NMBR: variants seen among roughly 807,000 people sequenced by gnomAD.
The protein encoded by NMBR is neuromedin-B receptor.
Under a neutral mutation model 20.5 loss-of-function variants are expected in NMBR, and 16 were observed. The ratio of observed to expected loss-of-function variants is 0.78; its 90% CI spans 0.53 to 1.19. The LOEUF (loss-of-function observed/expected upper bound fraction) is 1.19, where lower values mean the gene tolerates loss of function less well. Among genes scored for constraint, NMBR ranks in the 50% most tolerant of loss-of-function variants. The pLI is 0.00. For synonymous variants in NMBR, 212 were observed against 196.6 expected (o/e 1.08, Z -0.65); for missense variants, 582 against 499.1 (o/e 1.17, Z -1.58).
chr6:142,100,247 A>T (rs944925702), intron 1 of NMBR, among the ~76,000 whole-genome samples: 1 of 152,218 alleles, frequency 6.6e-6, no homozygotes, highest in African/African-American at 2.4e-5. Flanking sequence ...TGTCCACACA[A>T]AAACCAACAC....
intron 1 of NMBR, among the ~76,000 whole-genome samples, chr6:142,121,991 CA>C (rs1302360491): frequency 1.3e-5 from 2 of 151,898 alleles, no homozygotes; most frequent in African/African-American, 2.4e-5. Context: ...GACACACAGA[CA>C]TTGTACCCAG....
At chr6:142,092,703 C>G (rs1483608811) in intron 1 of NMBR, among the ~76,000 whole-genome samples, 4 of 152,104 alleles carry the variant, frequency 2.6e-5, no homozygotes, top group Non-Finnish European at 4.4e-5. Context: ...AGTTTTCAGC[C>G]CATGCACAAG....
At chr6:142,119,918 T>C (rs1389427475) in intron 1 of NMBR, among the ~76,000 whole-genome samples, 1 of 152,012 alleles carries the variant, frequency 6.6e-6, no homozygotes, top group Admixed American at 6.6e-5. Context: ...TATAAAGTCA[T>C]ATGTACTATA....
intron 1 of NMBR, among the ~76,000 whole-genome samples, chr6:142,137,572 C>G (rs893802911): frequency 1.6e-4 from 25 of 152,252 alleles, no homozygotes; most frequent in Admixed American, 1.2e-3. Flanking sequence ...CTGTCTTGTG[C>G]CAGTTTTCAA....
chr6:142,118,219 A>T (rs143218817), intron 1 of NMBR, among the ~76,000 whole-genome samples: 62 of 152,148 alleles, frequency 4.1e-4, no homozygotes, highest in African/African-American at 1.4e-3. Context: ...TGGAAATAAC[A>T]TAAAAACCTG....
intron 1 of NMBR, among the ~76,000 whole-genome samples, chr6:142,124,749 C>A (rs1778001994): frequency 6.6e-6 from 1 of 151,824 alleles, no homozygotes; most frequent in South Asian, 2.1e-4. Context: ...GAAAATAAGA[C>A]CTTCAATTTA....
rs749363915 is a variant in NMBR at position 142,088,388 on chromosome 6, G to C, written c.271C>G (p.Leu91Val). 6.2e-7 allele frequency: 1 copy of C among 1,614,152 alleles called. No homozygotes were observed. Among genetic ancestry groups the C allele is most frequent in the Non-Finnish European group, 8.5e-7 (1 of 1,180,022 alleles). The change falls in exon 2 of 4, where the codon CTG becomes GTG. Residue 91 changes from leucine to valine, a missense_variant. Physicochemically the swap from Leu to Val is conservative, Grantham distance 32. Transcript: ENST00000258042. ...FISNLAAGDL[L>V]LLLTCVPVDA... ...ACCGGGACGCAGGTGAGCAGCAGCA[G>C]CAAGTCCCCGGCCGCCAGGTTAGAG...
At chr6:142,135,562 G>A (rs1045883023) in intron 1 of NMBR, among the ~76,000 whole-genome samples, 2 of 151,476 alleles carry the variant, frequency 1.3e-5, no homozygotes, top group Non-Finnish European at 2.9e-5. Context: ...AGTTACATAT[G>A]TATACATGTG....
intron 1 of NMBR, among the ~76,000 whole-genome samples, chr6:142,145,237 G>A (rs765982204): frequency 1.6e-4 from 24 of 151,996 alleles, no homozygotes; most frequent in Non-Finnish European, 2.9e-4. Context: ...TCTGAAGGGG[G>A]AGATCAGGAG....
chr6:142,131,251 T>C (rs1015827426), intron 1 of NMBR, among the ~76,000 whole-genome samples: 2 of 152,200 alleles, frequency 1.3e-5, no homozygotes, highest in Admixed American at 1.3e-4. Context: ...GGGAGGCATG[T>C]TAACATTTGT....
chr6:142,145,829 A>G (rs1778423011), intron 1 of NMBR, among the ~76,000 whole-genome samples: 1 of 152,258 alleles, frequency 6.6e-6, no homozygotes, highest in East Asian at 1.9e-4. Flanking sequence ...AAAGATACTG[A>G]CATTTAGGAT....
chr6:142,143,808 G>A (rs1778391481), intron 1 of NMBR, among the ~76,000 whole-genome samples: 1 of 151,468 alleles, frequency 6.6e-6, no homozygotes, highest in African/African-American at 2.4e-5. Flanking sequence ...ACAGACAGAG[G>A]ACTTACACTA....
chr6:142,134,904 C>A, intron 1 of NMBR: 1 of 573,706 alleles, frequency 1.7e-6, no homozygotes, highest in Non-Finnish European at 3.1e-6. Context: ...GAAGATTATA[C>A]TTTCCATTCA....
rs144574479 is a variant in NMBR at position 142,121,307 on chromosome 6, G to T, written c.-664+25737C>A. The stretch of plus-strand genomic sequence containing the variant: ...TAGGCCAAATAATAACCCAACAAAG[G>T]CCTCTAAGTGTTCAAGCAAAAGAGT... On this transcript the variant is annotated intron_variant, in intron 1 of 3. Coordinates refer to ENST00000258042, the MANE Select transcript of NMBR (RefSeq NM_002511.4). Among the ~76,000 whole-genome samples, 286 of 151,876 alleles carry T rather than the reference G, an allele frequency of 1.9e-3. 4 individuals are homozygous for T. The highest frequency in any genetic ancestry group is 2.5e-4 in the Non-Finnish European group (17 of 67,892).
chr6:142,141,548 G>GA (rs1778360898), intron 1 of NMBR, among the ~76,000 whole-genome samples: 1 of 151,250 alleles, frequency 6.6e-6, no homozygotes, highest in Admixed American at 6.6e-5. Context: ...TCTGTCTCCA[G>GA]GGCTGGAGTG....
rs751488729 is a variant in NMBR, at chr6:142,136,347, G to GT, written c.-664+10696dup. The stretch of plus-strand genomic sequence containing the variant: ...TGCCCACTTTTTGATGGGGTTGTTT[G>GT]TTTTTTTCTTGTAAATTTGTTTGAG... On this transcript the variant is annotated intron_variant, in intron 1 of 3. Coordinates refer to ENST00000258042, the MANE Select transcript of NMBR (RefSeq NM_002511.4). Among the ~76,000 whole-genome samples the GT allele has an allele frequency of 2.0e-3, 307 of 152,158 alleles. 1 individual carries two copies. Among genetic ancestry groups the GT allele is most frequent in the Non-Finnish European group, 3.4e-3 (229 of 67,978 alleles).
intron 1 of NMBR, among the ~76,000 whole-genome samples, chr6:142,091,190 C>T (rs1777316209): frequency 1.3e-5 from 2 of 152,096 alleles, no homozygotes. Context: ...AATGCACACA[C>T]ATCAAAGGTA....
At chr6:142,078,474 T>C in intron 3 of NMBR, 81 bp downstream of exon 3, 1 of 794,874 alleles carries the variant, frequency 1.3e-6, no homozygotes, top group Non-Finnish European at 2.0e-6. Context: ...AGTCATAGGA[T>C]TAAAAGCCCA....
At chr6:142,080,216 A>G (rs191027431) in intron 2 of NMBR, among the ~76,000 whole-genome samples, 11 of 150,622 alleles carry the variant, frequency 7.3e-5, no homozygotes, top group Admixed American at 7.3e-4. Flanking sequence ...TTCTGCTATC[A>G]TCTTTTGTTT....
Sources: allele counts gnomAD v4.1 joint callset (sites outside exome capture counted in the v4.1 genomes callset), GRCh38; gene constraint gnomAD v4.1.1; transcripts MANE v1.5; gene names NCBI Gene and HGNC (gene_info 2026-07-23, HGNC 2026-07-21).